MYO16: variants seen among roughly 807,000 people sequenced by gnomAD.
The protein encoded by MYO16 is unconventional myosin-XVI.
Under a neutral mutation model 205.3 loss-of-function variants are expected in MYO16, and 94 were observed. That is an observed-to-expected ratio of 0.46 (90% CI 0.39 to 0.54). The LOEUF (loss-of-function observed/expected upper bound fraction) is 0.54. MYO16 is among the 20% of genes least tolerant of loss of function. MYO16 has a pLI of 0.00. For missense variants in MYO16, 2,315 were observed against 2,387.5 expected, an observed-to-expected ratio of 0.97 and a Z score of 0.63; for synonymous variants, 988 against 954.0, an observed-to-expected ratio of 1.04 and a Z score of -0.66.
chr13:108,653,991 C>T (rs776372687), intron 1 of MYO16, among the ~76,000 whole-genome samples: 6 of 151,978 alleles, frequency 3.9e-5, no homozygotes, highest in Non-Finnish European at 5.9e-5. Context: ...CATTCCAATC[C>T]ACTTTGCTTT....
chr13:108,767,924 T>G (rs1181132845), intron 4 of MYO16, among the ~76,000 whole-genome samples: 1 of 152,200 alleles, frequency 6.6e-6, no homozygotes, highest in African/African-American at 2.4e-5. Context: ...TAGCAACAAT[T>G]TGTTAGCTGC....
the MYO16 span, among the ~76,000 whole-genome samples, chr13:108,550,740 AC>A: frequency 6.6e-6 from 1 of 152,228 alleles, no homozygotes; most frequent in African/African-American, 2.4e-5. Context: ...TTTGGAAAAA[AC>A]AAAACAAAGC....
intron 14 of MYO16, among the ~76,000 whole-genome samples, chr13:108,895,209 CAAAA>C (rs11306898): frequency 1.3e-5 from 2 of 150,994 alleles, no homozygotes; most frequent in African/African-American, 4.9e-5. Flanking sequence ...ATTATAAATA[CAAAA>C]AAAAAGTCAA....
chr13:108,807,202 A>G (rs769446823), intron 7 of MYO16, among the ~76,000 whole-genome samples: 1 of 152,188 alleles, frequency 6.6e-6, no homozygotes, highest in Non-Finnish European at 1.5e-5. Flanking sequence ...CTATATGGAG[A>G]TTTAAGTTAA....
the MYO16 span, among the ~76,000 whole-genome samples, chr13:108,583,402 A>C: frequency 6.6e-6 from 1 of 152,220 alleles, no homozygotes; most frequent in African/African-American, 2.4e-5. Flanking sequence ...GACTTTACTT[A>C]GGCAGAAAAG....
upstream of MYO16, among the ~76,000 whole-genome samples, chr13:108,626,566 G>A (rs1248530945): frequency 2.0e-5 from 3 of 152,010 alleles, no homozygotes; most frequent in Non-Finnish European, 2.9e-5. Context: ...CCAGCACTTT[G>A]GGAAGCCAAG....
chr13:108,888,293 G>T (rs146730554), intron 13 of MYO16, 79 bp from the exon 14 acceptor site: 1 of 949,088 alleles, frequency 1.1e-6, no homozygotes, highest in African/African-American at 1.7e-5. Flanking sequence ...TTCCTTCAAA[G>T]TAGTTTCAAA....
chr13:108,636,035 T>G (rs1880210445), intron 1 of MYO16, among the ~76,000 whole-genome samples: 1 of 152,144 alleles, frequency 6.6e-6, no homozygotes, highest in African/African-American at 2.4e-5. Context: ...TGATTTAAGG[T>G]AAGAGTTACT....
At chr13:108,900,002 A>G (rs1371571111) in intron 15 of MYO16, among the ~76,000 whole-genome samples, 1 of 152,238 alleles carries the variant, frequency 6.6e-6, no homozygotes, top group African/African-American at 2.4e-5. Flanking sequence ...TTTATGCACA[A>G]CTAGTGCAAG....
chr13:108,969,754 A>G (rs1037578628), intron 20 of MYO16, among the ~76,000 whole-genome samples: 2 of 152,260 alleles, frequency 1.3e-5, no homozygotes, highest in African/African-American at 4.8e-5. Context: ...CTGCCCGACT[A>G]CAGCAATCAC....
Position 109,125,543 on chromosome 13 carries a change from C to T in MYO16, c.3782+185C>T, listed in dbSNP as rs764265513. 3.3e-5 allele frequency among the ~76,000 whole-genome samples: 5 copies of T among 152,204 alleles called. No homozygotes were observed. The highest frequency in any genetic ancestry group is 6.5e-5 in the Admixed American group (1 of 15,284). ...GATGCTTTCCTGTGCTGTCTTCTCA[C>T]GAGTTCAAGGCTTTCTGTGTTCCTT... On this transcript the variant is annotated intron_variant, in intron 30 of 34. Coordinates refer to ENST00000457511, the MANE Select transcript of MYO16 (RefSeq NM_001198950.3). The surrounding 1 kb of genome is among the most constrained non-coding windows in gnomAD (Gnocchi z 4.0).
At chr13:108,583,906 G>T in the MYO16 span, among the ~76,000 whole-genome samples, 3 of 152,094 alleles carry the variant, frequency 2.0e-5, no homozygotes, top group Non-Finnish European at 4.4e-5. Flanking sequence ...TAAAAATAAA[G>T]AATCCAAAGC....
At chr13:108,774,047 C>T (rs372768245) in intron 4 of MYO16, among the ~76,000 whole-genome samples, 276 of 152,062 alleles carry the variant, frequency 1.8e-3, no homozygotes, top group African/African-American at 5.5e-3. Context: ...CCCGAGATTG[C>T]GCCACTGCAC....
intron 34 of MYO16, among the ~76,000 whole-genome samples, chr13:109,199,964 C>T (rs948291895): frequency 3.9e-5 from 6 of 152,106 alleles, no homozygotes; most frequent in African/African-American, 1.2e-4. Flanking sequence ...ATTTAGATAG[C>T]ATTCATGATT....
chr13:108,920,173 G>A (rs984867471), intron 16 of MYO16, among the ~76,000 whole-genome samples: 3 of 152,158 alleles, frequency 2.0e-5, no homozygotes, highest in Non-Finnish European at 2.9e-5. Context: ...GAAGGACCAC[G>A]ACGCAGATGT....
chr13:109,053,074 A>G (rs1215477333), intron 25 of MYO16, among the ~76,000 whole-genome samples: 1 of 152,162 alleles, frequency 6.6e-6, no homozygotes, highest in Non-Finnish European at 1.5e-5. Flanking sequence ...GATAGGAAAC[A>G]TGTATGGAAT....
At chr13:108,624,784 AGT>A (rs6145237), upstream of MYO16, among the ~76,000 whole-genome samples, 1,052 of 90,832 alleles carry the variant, frequency 0.012, 10 homozygotes, top group African/African-American at 0.032. Context: ...ATATAGCCTG[AGT>A]GTGTGTGTGT....
At chr13:109,169,554 A>G (rs1027623409) in intron 33 of MYO16, among the ~76,000 whole-genome samples, 1 of 152,144 alleles carries the variant, frequency 6.6e-6, no homozygotes, top group African/African-American at 2.4e-5. Flanking sequence ...CTGAAATTAA[A>G]AATAGTAAGA....
chr13:108,679,396 T>A (rs1387413634), intron 2 of MYO16, among the ~76,000 whole-genome samples: 7 of 152,202 alleles, frequency 4.6e-5, no homozygotes, highest in Admixed American at 3.3e-4. Context: ...AGACTGTAGG[T>A]TTACATGAGT....
Sources: gnomAD v4.1 joint callset for allele counts (sites outside exome capture counted in the v4.1 genomes callset) on GRCh38, gnomAD v4.1.1 for gene constraint, Gnocchi (gnomAD v3.1) non-coding constraint, MANE v1.5 for transcripts, NCBI Gene and HGNC (gene_info 2026-07-23, HGNC 2026-07-21) for gene names.